Variants in NALCN observed in about 807,000 individuals in gnomAD.
The protein encoded by NALCN is sodium leak channel, non-selective.
NALCN carries 111 observed loss-of-function variants against 225.3 expected under a neutral mutation model. The ratio of observed to expected loss-of-function variants is 0.49; its 90% CI spans 0.42 to 0.58. NALCN has a LOEUF of 0.58. NALCN is among the 20% of genes least tolerant of loss of function. The pLI is 0.00. For synonymous variants in NALCN, 764 were observed against 769.0 expected, an observed-to-expected ratio of 0.99 and a Z score of 0.11; for missense variants, 1,378 against 2,202.4, an observed-to-expected ratio of 0.63 and a Z score of 7.49.
At chr13:101,397,095 T>C (rs958942007) in intron 2 of NALCN, among the ~76,000 whole-genome samples, 10 of 62,472 alleles carry the variant, frequency 1.6e-4, no homozygotes, top group Non-Finnish European at 2.0e-4. Context: ...TATATATATA[T>C]ATATATATAT....
Position 101,059,976 on chromosome 13 carries a change from A to ATGCGAT in NALCN, c.4756-15_4756-10dup, listed in dbSNP as rs1566767815. ...CACGACTGCTGCTGTTTCTATGGAAATGCGATTGTTTGTTCAGTAAAATAA... is the reference window on the plus strand; with the variant it reads ...CACGACTGCTGCTGTTTCTATGGAAATGCGATTGCGATTGTTTGTTCAGTAAAATAA... On this transcript the variant is annotated splice_polypyrimidine_tract_variant and intron_variant, in intron 41 of 43. Coordinates refer to ENST00000251127, the MANE Select transcript of NALCN (RefSeq NM_052867.4). 1 of 1,613,632 alleles carries ATGCGAT rather than the reference A, an allele frequency of 6.2e-7. No individual in the cohort carries two copies. The highest frequency in any genetic ancestry group is 1.3e-5 in the African/African-American group (1 of 74,880).
rs552574978 is a variant in NALCN at position 101,295,618 on chromosome 13, C to T, written c.800-3252G>A. ...TGGACAAAGGAAAAAAGGAAAGAAA[C>T]AGAAACCCACAGTACAGCTCAAAGA... is the stretch of plus-strand genomic sequence containing the variant. On this transcript the variant is annotated intron_variant, in intron 7 of 43. Transcript: ENST00000251127. Among the ~76,000 whole-genome samples, 26 of 152,102 alleles carry T rather than the reference C, an allele frequency of 1.7e-4. No individual in the cohort carries two copies. The South Asian group carries it at 5.4e-3, about 32-fold the overall frequency.
At chr13:101,272,114 T>C (rs1055165139) in intron 10 of NALCN, among the ~76,000 whole-genome samples, 10 of 151,926 alleles carry the variant, frequency 6.6e-5, no homozygotes, top group African/African-American at 2.4e-4. Flanking sequence ...TGTGTCTGTG[T>C]CACTGTGTGT....
At chr13:101,284,271 C>T (rs560611474) in intron 9 of NALCN, among the ~76,000 whole-genome samples, 34 of 152,278 alleles carry the variant, frequency 2.2e-4, no homozygotes, top group Non-Finnish European at 4.9e-4. Flanking sequence ...ATATGCTTTG[C>T]ATATAATTGC....
At chr13:101,328,863 C>A (rs1034731405) in intron 7 of NALCN, among the ~76,000 whole-genome samples, 1 of 152,148 alleles carries the variant, frequency 6.6e-6, no homozygotes, top group African/African-American at 2.4e-5. Flanking sequence ...GAAACCAATT[C>A]CTTCTTTTAT....
chr13:101,334,902 G>A (rs780671727), intron 7 of NALCN, among the ~76,000 whole-genome samples: 21 of 117,336 alleles, frequency 1.8e-4, no homozygotes, highest in Non-Finnish European at 3.6e-4. Flanking sequence ...AGGAAGAGAG[G>A]GAAGGAGGGA....
At chr13:101,193,249 C>A (rs1021699057) in intron 13 of NALCN, among the ~76,000 whole-genome samples, 3 of 152,046 alleles carry the variant, frequency 2.0e-5, no homozygotes, top group African/African-American at 7.2e-5. Context: ...AATATTGCAT[C>A]CTGCATTCAG....
intron 6 of NALCN, among the ~76,000 whole-genome samples, chr13:101,354,335 T>G (rs1372031377): frequency 1.3e-5 from 2 of 152,082 alleles, no homozygotes; most frequent in Admixed American, 6.6e-5. Context: ...AGAGTGAGAT[T>G]CCACCTCAAA....
chr13:101,124,038 A>G (rs951138936), intron 18 of NALCN, among the ~76,000 whole-genome samples: 20 of 152,178 alleles, frequency 1.3e-4, no homozygotes, highest in Non-Finnish European at 1.3e-4. Context: ...GTGTTTTTAT[A>G]CTCATCATGT....
In NALCN at chr13:101,268,140, T is replaced by C. The variant is rs535040069; in HGVS notation, c.1135-9566A>G. 2.6e-5 allele frequency among the ~76,000 whole-genome samples: 4 copies of C among 152,250 alleles called. No individual in the cohort carries two copies. In the South Asian group the frequency reaches 8.3e-4, roughly 32 times the overall value. ...AAAATTCCACTTTCTGCAAACAAAA[T>C]TTTGCAACGTGTTTACATAGACATG... On this transcript the variant is annotated intron_variant, in intron 10 of 43. Transcript: ENST00000251127.
chr13:101,334,721 G>A (rs552521064), intron 7 of NALCN, among the ~76,000 whole-genome samples: 39 of 152,206 alleles, frequency 2.6e-4, no homozygotes, highest in African/African-American at 9.4e-4. Flanking sequence ...CTGTTCTAAA[G>A]CATAATCACA....
intron 36 of NALCN, 110 bp from the exon 37 acceptor site, chr13:101,073,787 C>G (rs1243505667): frequency 2.4e-6 from 2 of 842,352 alleles, no homozygotes; most frequent in East Asian, 5.3e-5. Flanking sequence ...AATTTGGTTG[C>G]TAAGTCACCT....
At chr13:101,135,190 G>A (rs998026953) in intron 17 of NALCN, among the ~76,000 whole-genome samples, 1 of 152,088 alleles carries the variant, frequency 6.6e-6, no homozygotes, top group South Asian at 2.1e-4. Context: ...GCGAGACTCC[G>A]TCTCAAACAA....
At chr13:101,063,524 T>C (rs2032128022) in intron 40 of NALCN, among the ~76,000 whole-genome samples, 3 of 152,222 alleles carry the variant, frequency 2.0e-5, no homozygotes, top group Admixed American at 2.0e-4. Context: ...CCTATCTGCC[T>C]CATGTCAACC....
chr13:101,124,487 T>C, intron 18 of NALCN, 121 bp downstream of exon 18: 1 of 848,408 alleles, frequency 1.2e-6, no homozygotes, highest in Non-Finnish European at 1.8e-6. Context: ...TACTCAAAGC[T>C]ACTTTCTGGC....
At chr13:101,408,211 A>G (rs1306265977) in intron 1 of NALCN, among the ~76,000 whole-genome samples, 1 of 152,196 alleles carries the variant, frequency 6.6e-6, no homozygotes, top group Non-Finnish European at 1.5e-5. Flanking sequence ...GGGAATCTCC[A>G]AGTTCCTGCC....
At chr13:101,096,536 G>T (rs1046899610) in intron 27 of NALCN, among the ~76,000 whole-genome samples, 3 of 152,168 alleles carry the variant, frequency 2.0e-5, no homozygotes, top group Admixed American at 6.5e-5. Context: ...GAGACAAAAA[G>T]AATATTAGTT....
At chr13:101,182,821 G>A (rs1255634770) in intron 14 of NALCN, among the ~76,000 whole-genome samples, 1 of 151,888 alleles carries the variant, frequency 6.6e-6, no homozygotes, top group African/African-American at 2.4e-5. Flanking sequence ...ATTGCCAGGA[G>A]GTGAGAATGA....
intron 17 of NALCN, among the ~76,000 whole-genome samples, chr13:101,125,939 A>AG (rs991422239): frequency 7.2e-5 from 11 of 152,320 alleles, no homozygotes; most frequent in African/African-American, 2.6e-4. Flanking sequence ...AACAAAGTTG[A>AG]GGGGGGAAAG....
Sources: gnomAD v4.1 joint callset for allele counts (sites outside exome capture counted in the v4.1 genomes callset) on GRCh38, gnomAD v4.1.1 for gene constraint, MANE v1.5 for transcripts, NCBI Gene and HGNC (gene_info 2026-07-23, HGNC 2026-07-21) for gene names.